CACNA2D2: variants seen among roughly 807,000 people sequenced by gnomAD.
CACNA2D2 encodes voltage-dependent calcium channel subunit alpha-2/delta-2.
A neutral mutation model predicts 166.4 loss-of-function variants in CACNA2D2; 48 were observed. The ratio of observed to expected loss-of-function variants is 0.29; its 90% confidence interval spans 0.23 to 0.37. The LOEUF is 0.37. CACNA2D2 is among the 10% of genes least tolerant of loss of function. The probability of loss-of-function intolerance (pLI) is 1.00; values close to 1 mark genes in which losing one functional copy is unlikely to be tolerated. For missense variants in CACNA2D2, 1,122 were observed against 1,433.0 expected, an observed-to-expected ratio of 0.78 and a Z score of 3.50; for synonymous variants, 561 against 573.7, an observed-to-expected ratio of 0.98 and a Z score of 0.32.
chr3:50,497,933 G>T (rs1159526524), intron 1 of CACNA2D2, among the ~76,000 whole-genome samples: 1 of 151,182 alleles, frequency 6.6e-6, no homozygotes, highest in Admixed American at 6.6e-5. Context: ...AAGAAGAAAA[G>T]AAAAAAAAAC....
At chr3:50,488,418 T>C (rs1559999365) in intron 1 of CACNA2D2, among the ~76,000 whole-genome samples, 2 of 152,006 alleles carry the variant, frequency 1.3e-5, no homozygotes, top group Non-Finnish European at 2.9e-5. Flanking sequence ...CCAGTACCCA[T>C]CACAACTGGG....
intron 2 of CACNA2D2, among the ~76,000 whole-genome samples, chr3:50,441,625 C>T (rs531129839): frequency 6.6e-6 from 1 of 152,412 alleles, no homozygotes; most frequent in South Asian, 2.1e-4. Context: ...ACCAGAGACA[C>T]TGGGCATGGC....
In CACNA2D2 at chr3:50,408,615, C is replaced by T. The variant is rs1249847773; in HGVS notation, c.406-14447G>A. 2.6e-5 allele frequency among the ~76,000 whole-genome samples: 4 copies of T among 152,270 alleles called. No homozygotes were observed. The East Asian group carries it at 5.8e-4, about 22-fold the overall frequency. On this transcript the variant is annotated intron_variant, in intron 3 of 37. Transcript: ENST00000424201. ...CGAGGAGTAAAGGCGGCCAGTGGGACAGCTGGAGCCGTGGTGACAACATTT... is the reference window on the plus strand; with the variant it reads ...CGAGGAGTAAAGGCGGCCAGTGGGATAGCTGGAGCCGTGGTGACAACATTT...
chr3:50,449,240 C>T (rs1315862429), intron 2 of CACNA2D2, among the ~76,000 whole-genome samples: 1 of 152,206 alleles, frequency 6.6e-6, no homozygotes, highest in Admixed American at 6.5e-5. Flanking sequence ...GCCCCCCACC[C>T]CTGTGATCCA....
At chr3:50,476,532 T>C (rs1697774482) in intron 1 of CACNA2D2, among the ~76,000 whole-genome samples, 2 of 152,194 alleles carry the variant, frequency 1.3e-5, no homozygotes, top group Admixed American at 1.3e-4. Context: ...GCTCTGAACT[T>C]GGGGACTTCT....
At chr3:50,399,847 T>C (rs1384909121) in intron 3 of CACNA2D2, among the ~76,000 whole-genome samples, 1 of 151,926 alleles carries the variant, frequency 6.6e-6, no homozygotes, top group Admixed American at 6.5e-5. Context: ...CCCCTTAGAG[T>C]GGTCCCTTTG....
Position 50,489,559 on chromosome 3 carries a change from C to A in CACNA2D2, c.207-13360G>T, listed in dbSNP as rs569398298. ...TGCTAGGAGGCACTGCCCAGGGGAGCAGCAGCCCCGGAAGCGCATCAGAAA... is the reference window on the plus strand; with the variant it reads ...TGCTAGGAGGCACTGCCCAGGGGAGAAGCAGCCCCGGAAGCGCATCAGAAA... On this transcript the variant is annotated intron_variant, in intron 1 of 37. Transcript: ENST00000424201. Among the ~76,000 whole-genome samples, 39 of 151,944 alleles carry A rather than the reference C, an allele frequency of 2.6e-4. 1 individual carries two copies. The South Asian group carries it at 7.5e-3, about 29-fold the overall frequency.
At chr3:50,498,683 G>T (rs2107186029) in intron 1 of CACNA2D2, among the ~76,000 whole-genome samples, 1 of 152,352 alleles carries the variant, frequency 6.6e-6, no homozygotes, top group Admixed American at 6.5e-5. Flanking sequence ...GCCCCTCAGG[G>T]TTGCCTGAGA....
In CACNA2D2 at chr3:50,468,380, A is replaced by AGTGTGTGTGTGTGTGT. The variant is rs3220659; in HGVS notation, c.288+7722_288+7737dup. 3.2e-3 allele frequency among the ~76,000 whole-genome samples: 266 copies of AGTGTGTGTGTGTGTGT among 83,166 alleles called. 24 individuals carry two copies. The highest frequency in any genetic ancestry group is 0.013 in the East Asian group (25 of 1,944). The allele number at this position is 83,166 out of a possible 152,430, so 54.6% of individuals were successfully genotyped here. ...AGAGAACCAGCAAGTTCATCAGAATAGTGTGTGTGTGTGTGTGTGTGTGTG... is the reference window on the plus strand; with the variant it reads ...AGAGAACCAGCAAGTTCATCAGAATAGTGTGTGTGTGTGTGTGTGTGTGTGTGTGTGTGTGTGTGTG... On this transcript the variant is annotated intron_variant, in intron 2 of 37. Transcript: ENST00000424201.
intron 5 of CACNA2D2, among the ~76,000 whole-genome samples, chr3:50,385,056 A>T (rs1335523740): frequency 6.6e-6 from 1 of 152,090 alleles, no homozygotes; most frequent in African/African-American, 2.4e-5. Context: ...ATGGCATCTC[A>T]CGGCCGGGCA....
intron 2 of CACNA2D2, among the ~76,000 whole-genome samples, chr3:50,455,660 G>A (rs1709325721): frequency 1.3e-5 from 2 of 152,130 alleles, no homozygotes. Context: ...GGACCTCAGG[G>A]AGCAAGCACA....
chr3:50,469,852 G>A (rs1035807683), intron 2 of CACNA2D2, among the ~76,000 whole-genome samples: 3 of 152,202 alleles, frequency 2.0e-5, no homozygotes, highest in African/African-American at 7.2e-5. Flanking sequence ...ACCTTCAGAA[G>A]GCACAGCTTT....
At position 50,362,926 on chromosome 3, in the gene CACNA2D2, T is replaced by C; in HGVS notation, c.*1740A>G. ...CTTGACTTTTTTGTCGCTGTTGTTTTTCCAACTTGTCTGTACAAAATAGAA... is the reference window on the plus strand; with the variant it reads ...CTTGACTTTTTTGTCGCTGTTGTTTCTCCAACTTGTCTGTACAAAATAGAA... On this transcript the variant is annotated 3_prime_UTR_variant, in exon 38 of 38. Transcript: ENST00000424201. 2.5e-6 allele frequency: 1 copy of C among 396,000 alleles called. No individual in the cohort carries two copies. The highest frequency in any genetic ancestry group is 4.4e-6 in the Non-Finnish European group (1 of 224,862). 24.5% of individuals were successfully genotyped at this position (396,000 alleles called of 1,614,324 possible).
intron 1 of CACNA2D2, among the ~76,000 whole-genome samples, chr3:50,485,915 A>G (rs1698258890): frequency 6.6e-6 from 1 of 152,210 alleles, no homozygotes; most frequent in Non-Finnish European, 1.5e-5. Flanking sequence ...GCACGGGGAC[A>G]GGAATCCAGG....
At chr3:50,398,890 C>T (rs1706294784) in intron 3 of CACNA2D2, among the ~76,000 whole-genome samples, 1 of 152,224 alleles carries the variant, frequency 6.6e-6, no homozygotes, top group African/African-American at 2.4e-5. Context: ...AAGAGGAGGA[C>T]TCGTCGTGCA....
intron 1 of CACNA2D2, among the ~76,000 whole-genome samples, chr3:50,496,470 G>A (rs2107178506): frequency 6.6e-6 from 1 of 152,360 alleles, no homozygotes; most frequent in Admixed American, 6.5e-5. Context: ...GCAAAGGCAA[G>A]AGCCAAACAC....
chr3:50,473,293 G>GA (rs1710176402), intron 2 of CACNA2D2, among the ~76,000 whole-genome samples: 1 of 152,224 alleles, frequency 6.6e-6, no homozygotes, highest in Non-Finnish European at 1.5e-5. Context: ...CCAAGGCAAG[G>GA]AAAACATCCC....
intron 2 of CACNA2D2, among the ~76,000 whole-genome samples, chr3:50,445,591 A>T (rs1708806527): frequency 6.6e-6 from 1 of 152,208 alleles, no homozygotes; most frequent in Non-Finnish European, 1.5e-5. Context: ...CGGAAGCATA[A>T]ATAAATAAAC....
In CACNA2D2 at chr3:50,427,623, A is replaced by G. The variant is rs1298352244; in HGVS notation, c.405+6690T>C. ...TAAACACCTTTTAATTGCCCAGAGAAGGGTGGGAGGAGGCAGCCAATGCCA... is the reference window on the plus strand; with the variant it reads ...TAAACACCTTTTAATTGCCCAGAGAGGGGTGGGAGGAGGCAGCCAATGCCA... On this transcript the variant is annotated intron_variant, in intron 3 of 37. Coordinates refer to ENST00000424201, the MANE Select transcript of CACNA2D2 (RefSeq NM_006030.4). The surrounding 1 kb of genome is among the most constrained non-coding windows in gnomAD (Gnocchi z 4.7). 6.6e-6 allele frequency among the ~76,000 whole-genome samples: 1 copy of G among 152,190 alleles called. No individual in the cohort carries two copies. The highest frequency in any genetic ancestry group is 1.5e-5 in the Non-Finnish European group (1 of 68,018).
Sources: gnomAD v4.1 joint callset for allele counts (sites outside exome capture counted in the v4.1 genomes callset) on GRCh38, gnomAD v4.1.1 for gene constraint, Gnocchi (gnomAD v3.1) non-coding constraint, MANE v1.5 for transcripts, NCBI Gene and HGNC (gene_info 2026-07-23, HGNC 2026-07-21) for gene names.